Variants in ITGAM observed in about 807,000 individuals in gnomAD.
The protein encoded by ITGAM is integrin subunit alpha M.
In ITGAM, 79 loss-of-function variants were observed where a neutral mutation model predicts 137.5. The observed-to-expected ratio is 0.57, with a 90% CI of 0.48 to 0.69. The LOEUF is 0.69. Ranked by LOEUF, ITGAM falls within the 30% of genes least tolerant of loss-of-function variation. The probability of loss-of-function intolerance (pLI) is 0.00; values close to 1 mark genes in which losing one functional copy is unlikely to be tolerated. For synonymous variants in ITGAM, 583 were observed against 592.3 expected, an observed-to-expected ratio of 0.98 and a Z score of 0.23; for missense variants, 1,343 against 1,483.5, an observed-to-expected ratio of 0.91 and a Z score of 1.56.
chr16:31,328,334 C>G, intron 23 of ITGAM, 104 bp downstream of exon 23: 1 of 874,704 alleles, frequency 1.1e-6, no homozygotes, highest in Non-Finnish European at 1.9e-6. Context: ...GTGTGAGAGT[C>G]TGAGGATCTC....
chr16:31,265,298 A>G (rs1263528617), intron 2 of ITGAM, 97 bp from the exon 3 acceptor site: 1 of 533,606 alleles, frequency 1.9e-6, no homozygotes. Context: ...GAATCCGGGT[A>G]TGGGCCCCCA....
At chr16:31,322,002 C>G (rs775664693) in intron 16 of ITGAM, among the ~76,000 whole-genome samples, 3 of 152,204 alleles carry the variant, frequency 2.0e-5, no homozygotes, top group Admixed American at 6.5e-5. Context: ...TCACCAGTGA[C>G]TTCTTCCCTT....
chr16:31,311,248 C>A (rs531364151), intron 14 of ITGAM, among the ~76,000 whole-genome samples: 2 of 152,276 alleles, frequency 1.3e-5, no homozygotes, highest in South Asian at 2.1e-4. Context: ...TCTAAAACAT[C>A]GAAAGCAATG....
intron 14 of ITGAM, among the ~76,000 whole-genome samples, chr16:31,302,458 C>CCTTCCTTTCTTTCTTTCTTTCTTT (rs2080213253): frequency 3.6e-5 from 4 of 111,918 alleles, no homozygotes; most frequent in African/African-American, 1.9e-4. Flanking sequence ...TTTCTTCCTT[C>CCTTCCTTTCTTTCTTTCTTTCTTT]CTTTCTTTCT....
chr16:31,264,199 C>T (rs1034078136), intron 2 of ITGAM, among the ~76,000 whole-genome samples: 3 of 152,024 alleles, frequency 2.0e-5, no homozygotes, highest in African/African-American at 7.2e-5. Flanking sequence ...GTAATCCCAG[C>T]ATTTTGGGAG....
chr16:31,262,403 C>A (rs973847847), intron 2 of ITGAM, among the ~76,000 whole-genome samples: 16 of 95,436 alleles, frequency 1.7e-4, no homozygotes, highest in African/African-American at 6.2e-4. Context: ...TTCCTTCCTT[C>A]ATTTCTTTCT....
Position 31,329,922 on chromosome 16 carries a change from C to T in ITGAM, c.2976+17C>T. On this transcript the variant is annotated intron_variant, in intron 25 of 29. Transcript: ENST00000544665. ...TTCTCCGAGGTGAGCGGAGCTCGGC[C>T]TGACTCCTGCACGGCCCTGCGCGTT... is the stretch of plus-strand genomic sequence containing the variant. 6.4e-7 allele frequency: 1 copy of T among 1,552,220 alleles called. No individual in the cohort carries two copies. Among genetic ancestry groups the T allele is most frequent in the Non-Finnish European group, 8.7e-7 (1 of 1,146,020 alleles).
rs758117736 is a variant in ITGAM at position 31,321,259 on chromosome 16, C to T, written c.1726C>T (p.Leu576Phe). ...CCCTCAGCGGATAGCAGGCTCCAAG[C>T]TCTCTCCCAGGCTCCAGTATTTTGG... Reference protein sequence around the residue: ...SHSQRIAGSKLSPRLQYFGQS... With the variant: ...SHSQRIAGSKFSPRLQYFGQS... Residue 576 changes from leucine (L) to phenylalanine (F), a missense_variant, in exon 15 of 30, where the codon CTC becomes TTC. Coordinates refer to ENST00000544665, the MANE Select transcript of ITGAM (RefSeq NM_000632.4). 6.2e-7 allele frequency: 1 copy of T among 1,613,966 alleles called. No homozygotes were observed. Among genetic ancestry groups the T allele is most frequent in the Non-Finnish European group, 8.5e-7 (1 of 1,179,870 alleles).
intron 2 of ITGAM, among the ~76,000 whole-genome samples, chr16:31,263,020 C>T (rs1019593030): frequency 3.3e-5 from 5 of 152,108 alleles, no homozygotes; most frequent in African/African-American, 9.7e-5. Context: ...TGGCTCACTG[C>T]GACTTCTGCC....
At chr16:31,265,707 G>A (rs1398656917) in intron 3 of ITGAM, 104 bp from the exon 4 acceptor site, 7 of 992,292 alleles carry the variant, frequency 7.1e-6, no homozygotes, top group East Asian at 4.9e-5. Context: ...CCCCTTCACC[G>A]TCAGACCTCC....
intron 2 of ITGAM, among the ~76,000 whole-genome samples, chr16:31,264,048 G>A (rs1030695691): frequency 6.6e-6 from 1 of 151,772 alleles, no homozygotes; most frequent in Non-Finnish European, 1.5e-5. Context: ...ATGTTAGCCA[G>A]GATGTTCTCG....
intron 12 of ITGAM, among the ~76,000 whole-genome samples, chr16:31,285,913 C>G (rs1363783690): frequency 6.6e-6 from 1 of 151,874 alleles, no homozygotes; most frequent in African/African-American, 2.4e-5. Context: ...CTCAAGCAAT[C>G]CTCCTGCCTT....
intron 12 of ITGAM, among the ~76,000 whole-genome samples, chr16:31,289,314 A>G (rs2080061915): frequency 6.6e-6 from 1 of 152,226 alleles, no homozygotes; most frequent in Non-Finnish European, 1.5e-5. Flanking sequence ...ACGAATGTTT[A>G]TTGCGGCTCT....
At chr16:31,319,905 C>T (rs962091652) in intron 14 of ITGAM, among the ~76,000 whole-genome samples, 14 of 151,964 alleles carry the variant, frequency 9.2e-5, no homozygotes, top group Admixed American at 6.6e-4. Flanking sequence ...CTCCGCCTCC[C>T]GGGTTCAGGC....
At chr16:31,325,071 C>G in intron 19 of ITGAM, 40 bp downstream of exon 19, 1 of 1,536,042 alleles carries the variant, frequency 6.5e-7, no homozygotes, top group Non-Finnish European at 8.8e-7. Flanking sequence ...AGAGAAGGAC[C>G]CGTACCATGA....
intron 14 of ITGAM, among the ~76,000 whole-genome samples, chr16:31,301,429 A>G (rs143925460): frequency 1.2e-3 from 186 of 152,234 alleles, no homozygotes; most frequent in Non-Finnish European, 2.2e-3. Flanking sequence ...CTATATGTCT[A>G]TCTTTATGCT....
intron 12 of ITGAM, among the ~76,000 whole-genome samples, chr16:31,290,659 C>G (rs1301117034): frequency 6.6e-6 from 1 of 151,950 alleles, no homozygotes; most frequent in East Asian, 1.9e-4. Flanking sequence ...ATGCTTTTCA[C>G]CTAAAATTGG....
At chr16:31,300,677 G>A (rs9937645) in intron 14 of ITGAM, among the ~76,000 whole-genome samples, 21,141 of 152,176 alleles carry the variant, frequency 0.14, 1,625 homozygotes, top group South Asian at 0.2. Flanking sequence ...TTGGGAAGCC[G>A]AGGCGGGTGT....
chr16:31,311,823 G>A (rs1300040925), intron 14 of ITGAM, among the ~76,000 whole-genome samples: 1 of 152,074 alleles, frequency 6.6e-6, no homozygotes, highest in African/African-American at 2.4e-5. Flanking sequence ...CTGCTATAAA[G>A]GCACATGCAT....
Sources: gnomAD v4.1 joint callset for allele counts (sites outside exome capture counted in the v4.1 genomes callset) on GRCh38, gnomAD v4.1.1 for gene constraint, MANE v1.5 for transcripts, NCBI Gene and HGNC (gene_info 2026-07-23, HGNC 2026-07-21) for gene names.